ZPBP: variants seen among roughly 807,000 people sequenced by gnomAD.
ZPBP encodes zona pellucida binding protein.
A neutral mutation model predicts 44.8 loss-of-function variants in ZPBP; 26 were observed. The observed-to-expected ratio is 0.58, with a 90% CI of 0.43 to 0.81. ZPBP has a LOEUF of 0.81. Among genes scored for constraint, ZPBP ranks in the 30% least tolerant of loss-of-function variants. ZPBP has a pLI of 0.00. For synonymous variants in ZPBP, 174 were observed against 153.2 expected (o/e 1.14, Z -1.00); for missense variants, 409 against 434.0 (o/e 0.94, Z 0.51).
At chr7:49,901,323 C>A (rs779541100) in intron 1 of ZPBP, 4 of 151,534 alleles carry the variant, frequency 2.6e-5, no homozygotes, top group Admixed American at 6.6e-5. Flanking sequence ...AAATTCAAAA[C>A]AATCAAGAAA....
At chr7:49,897,689 C>T (rs1792457705) in intron 2 of ZPBP, among the ~76,000 whole-genome samples, 1 of 152,172 alleles carries the variant, frequency 6.6e-6, no homozygotes. Flanking sequence ...CTTACCTGAG[C>T]AGAAAGCTCC....
intron 1 of ZPBP, among the ~76,000 whole-genome samples, chr7:49,908,851 A>G (rs1210596388): frequency 1.3e-5 from 2 of 152,252 alleles, no homozygotes; most frequent in Admixed American, 6.5e-5. Context: ...TTGAACATCA[A>G]AAAGAATAAA....
intron 4 of ZPBP, among the ~76,000 whole-genome samples, chr7:50,038,787 C>T (rs146100708): frequency 1.8e-4 from 27 of 152,266 alleles, no homozygotes; most frequent in African/African-American, 6.3e-4. Context: ...TGTTTAGATA[C>T]ACAAATACCA....
chr7:49,995,144 A>G (rs754433846), intron 6 of ZPBP, among the ~76,000 whole-genome samples: 4 of 152,204 alleles, frequency 2.6e-5, no homozygotes, highest in Non-Finnish European at 5.9e-5. Flanking sequence ...CAATAAGTCT[A>G]AAGTAATTGC....
chr7:50,022,804 G>A (rs1279473612), intron 5 of ZPBP, among the ~76,000 whole-genome samples: 1 of 152,086 alleles, frequency 6.6e-6, no homozygotes, highest in Non-Finnish European at 1.5e-5. Flanking sequence ...ACCAGGAGCA[G>A]AAGCCTGCTA....
chr7:49,850,089 G>A (rs147274691), downstream of ZPBP, among the ~76,000 whole-genome samples: 522 of 152,256 alleles, frequency 3.4e-3, 11 homozygotes, highest in Middle Eastern at 6.8e-3. Flanking sequence ...ACATGTTGCT[G>A]TAGAAAAACC....
intron 2 of ZPBP, among the ~76,000 whole-genome samples, chr7:49,867,837 T>TA (rs1272186743): frequency 3.2e-4 from 26 of 81,258 alleles, no homozygotes; most frequent in African/African-American, 8.9e-4. Context: ...ATTTTATTAT[T>TA]TTATTTTATT....
At chr7:49,968,738 C>T (rs897827741) in intron 7 of ZPBP, among the ~76,000 whole-genome samples, 4 of 151,832 alleles carry the variant, frequency 2.6e-5, no homozygotes, top group Middle Eastern at 3.2e-3. Flanking sequence ...CTTGCAATTA[C>T]ACTCATAATA....
intron 6 of ZPBP, among the ~76,000 whole-genome samples, chr7:50,004,858 G>A (rs1321253686): frequency 1.3e-5 from 2 of 152,040 alleles, no homozygotes; most frequent in South Asian, 2.1e-4. Flanking sequence ...AAGGTGGAGA[G>A]AGGGAAAAGG....
chr7:50,018,341 C>A, intron 5 of ZPBP, 25 bp from the exon 6 acceptor site: 1 of 1,491,036 alleles, frequency 6.7e-7, no homozygotes, highest in Non-Finnish European at 9.3e-7. Flanking sequence ...TATATTTTAT[C>A]ATGGGTATAA....
intron 6 of ZPBP, among the ~76,000 whole-genome samples, chr7:50,012,811 A>G (rs1335619024): frequency 2.6e-5 from 4 of 151,544 alleles, no homozygotes; most frequent in Middle Eastern, 3.4e-3. Context: ...CAGAATACAT[A>G]AATAAAATGT....
intron 7 of ZPBP, among the ~76,000 whole-genome samples, chr7:49,955,463 A>G (rs1000915960): frequency 6.6e-6 from 1 of 152,156 alleles, no homozygotes. Context: ...AGGCAGAGGC[A>G]GGAGAATCAC....
chr7:49,976,687 C>T (rs1239396988), intron 7 of ZPBP, among the ~76,000 whole-genome samples: 5 of 152,114 alleles, frequency 3.3e-5, no homozygotes, highest in Admixed American at 3.3e-4. Context: ...CCGGGAGAAG[C>T]ACTAATTTTT....
chr7:50,004,015 C>A (rs1798200553), intron 6 of ZPBP, among the ~76,000 whole-genome samples: 1 of 152,002 alleles, frequency 6.6e-6, no homozygotes. Context: ...ATAATAATAA[C>A]ATGAGCATGT....
intron 7 of ZPBP, among the ~76,000 whole-genome samples, chr7:49,972,613 C>A (rs368077460): frequency 6.6e-6 from 1 of 152,020 alleles, no homozygotes; most frequent in African/African-American, 2.4e-5. Flanking sequence ...ATTCTGTGGT[C>A]ATGGATTGGT....
At chr7:50,078,386 TAAA>T (rs1428654854) in intron 3 of ZPBP, among the ~76,000 whole-genome samples, 2 of 151,506 alleles carry the variant, frequency 1.3e-5, no homozygotes, top group African/African-American at 4.8e-5. Context: ...TAAAATAACT[TAAA>T]GAATGTAATT....
Position 50,093,099 on chromosome 7 carries a change from G to C in ZPBP, c.96C>G (p.Ile32Met). 1 of 1,598,766 alleles carries C rather than the reference G, an allele frequency of 6.3e-7. No individual in the cohort carries two copies. ...LLSRAAILLF[I>M]SAFLVRVPSS... ...AGGGCACCCGCACCAGGAAGGCGGA[G>C]ATAAAGAGGAGGATGGCGGCCCGAG... The change falls in exon 1 of 8, where the codon ATC becomes ATG. Residue 32 changes from isoleucine (I) to methionine (M), a missense_variant. By Grantham distance (10) the Ile-to-Met change is conservative. Around this residue, in one of 2 missense-constraint regions of ZPBP, gnomAD observed 367 missense variants for 363.1 expected, o/e 1.01. Coordinates refer to ENST00000046087, the MANE Select transcript of ZPBP (RefSeq NM_007009.3).
intron 3 of ZPBP, among the ~76,000 whole-genome samples, chr7:50,059,624 T>C (rs1337813275): frequency 6.6e-6 from 1 of 152,142 alleles, no homozygotes; most frequent in East Asian, 1.9e-4. Context: ...AGGGTTCTCA[T>C]GAAGTTTAAA....
intron 6 of ZPBP, among the ~76,000 whole-genome samples, chr7:49,997,643 C>T (rs950149384): frequency 3.3e-5 from 5 of 152,188 alleles, no homozygotes; most frequent in Non-Finnish European, 2.9e-5. Context: ...ATTACCATGT[C>T]CTCAGGCAAT....
Sources: gnomAD v4.1 joint callset for allele counts (sites outside exome capture counted in the v4.1 genomes callset) on GRCh38, gnomAD v4.1.1 for gene constraint, gnomAD v4.1.1 regional missense constraint, MANE v1.5 for transcripts, NCBI Gene and HGNC (gene_info 2026-07-23, HGNC 2026-07-21) for gene names.